CDS2: variants seen among roughly 807,000 people sequenced by gnomAD.
CDS2 encodes the protein CDP-diacylglycerol synthase 2.
In CDS2, 47 loss-of-function variants were observed where a neutral mutation model predicts 59.0. The observed-to-expected ratio is 0.80, with a 90% CI of 0.63 to 1.02. CDS2 has a LOEUF of 1.02. Ranked by LOEUF, CDS2 falls within the 50% of genes least tolerant of loss-of-function variation. The pLI is 0.00. For missense variants in CDS2, 356 were observed against 558.9 expected (o/e 0.64, Z 3.66); for synonymous variants, 207 against 206.4 (o/e 1.00, Z -0.02).
intron 1 of CDS2, among the ~76,000 whole-genome samples, chr20:5,148,869 G>A (rs80217207): frequency 3.3e-5 from 5 of 152,126 alleles, no homozygotes; most frequent in Non-Finnish European, 5.9e-5. Flanking sequence ...CAGAATTCTC[G>A]GTACAGAGAT....
Position 5,190,997 on chromosome 20 carries a change from TC to T in CDS2, c.*765del, listed in dbSNP as rs765693956. On this transcript the variant is annotated 3_prime_UTR_variant, in exon 13 of 13. Transcript: ENST00000460006. ...TCTAGGCTCCAATGTCTCCTGTAGG[TC>T]CACCTAACTGTGTGTTTTCAGGGAC... 9 of 152,640 alleles carry T rather than the reference TC, an allele frequency of 5.9e-5. No homozygotes were observed. Among genetic ancestry groups the T allele is most frequent in the Non-Finnish European group, 1.2e-4 (8 of 68,050 alleles). The allele number at this position is 152,640 out of a possible 1,614,324, so 9.5% of individuals were successfully genotyped here.
rs948941042 is a variant in CDS2, at chr20:5,136,123, C to T, written c.57+8974C>T. Among the ~76,000 whole-genome samples, 10 of 152,194 alleles carry T rather than the reference C, an allele frequency of 6.6e-5. No individual in the cohort carries two copies. In the East Asian group the frequency reaches 1.5e-3, roughly 23 times the overall value. On this transcript the variant is annotated intron_variant, in intron 1 of 12. Coordinates refer to ENST00000460006, the MANE Select transcript of CDS2 (RefSeq NM_003818.4). The stretch of plus-strand genomic sequence containing the variant: ...TGGAGAGGATGTCTGCCATTGACAC[C>T]GAACCCCTGAGTGGGCAACTCTCAG...
chr20:5,190,341 CTTT>C lies in CDS2; in HGVS notation c.*121_*123del, dbSNP rs11477708. 3.4e-3 allele frequency: 2,317 copies of C among 683,406 alleles called. No homozygotes were observed. The highest frequency in any genetic ancestry group is 6.2e-3 in the South Asian group (193 of 30,964). The allele number at this position is 683,406 out of a possible 1,614,324, so 42.3% of individuals were successfully genotyped here. A position where few individuals can be genotyped will look rare whatever the true frequency, so the allele number is the denominator to read the frequency against. Reference sequence around the variant, plus strand: ...CAATGACGAGGCTTCAACTCACTGTCTTTTTTTTTTTTTTTTGGAGGGTATTTT... The same window carrying C: ...CAATGACGAGGCTTCAACTCACTGTCTTTTTTTTTTTTTGGAGGGTATTTT... On this transcript the variant is annotated 3_prime_UTR_variant, in exon 13 of 13. Transcript: ENST00000460006.
At position 5,127,122 on chromosome 20, in the gene CDS2, T is replaced by G. The variant is rs1182374919; in HGVS notation, c.30T>G (p.His10Gln). Reference sequence around the variant, plus strand: ...CAGAGCTGAGGCAGAGGGTGGCCCATGAGCCGGTTGCGCCACCCGAGGACA... The same window carrying G: ...CAGAGCTGAGGCAGAGGGTGGCCCAGGAGCCGGTTGCGCCACCCGAGGACA... MTELRQRVA[H>Q]EPVAPPEDKE... The change falls in exon 1 of 13, where the codon CAT becomes CAG. Residue 10 changes from histidine to glutamine, a missense_variant. Physicochemically the swap from His to Gln is conservative, Grantham distance 24. Coordinates refer to ENST00000460006, the MANE Select transcript of CDS2 (RefSeq NM_003818.4). 1 of 1,496,898 alleles carries G rather than the reference T, an allele frequency of 6.7e-7. No homozygotes were observed. The highest frequency in any genetic ancestry group is 8.9e-7 in the Non-Finnish European group (1 of 1,122,282). The allele number at this position is 1,496,898 out of a possible 1,614,324, so 92.7% of individuals were successfully genotyped here.
Position 5,185,841 on chromosome 20 carries a change from T to C in CDS2, c.828+15T>C. On this transcript the variant is annotated intron_variant, in intron 9 of 12. Coordinates refer to ENST00000460006, the MANE Select transcript of CDS2 (RefSeq NM_003818.4). ...TTGGCCTTCTGGTAGGTGGTGGCTT[T>C]CAGCTGTGTAAGGGATTGGGTGGAC... The C allele has an allele frequency of 6.2e-7, 1 of 1,613,566 alleles. No homozygotes were observed. The highest frequency in any genetic ancestry group is 8.5e-7 in the Non-Finnish European group (1 of 1,179,454).
intron 1 of CDS2, among the ~76,000 whole-genome samples, chr20:5,160,599 G>T (rs2123013644): frequency 6.6e-6 from 1 of 152,226 alleles, no homozygotes; most frequent in Admixed American, 6.5e-5. Context: ...TCAAGTGTAT[G>T]GTTCTATGGC....
At position 5,154,639 on chromosome 20, in the gene CDS2, T is replaced by TTTTG. The variant is rs537557558; in HGVS notation, c.58-18864_58-18861dup. Among the ~76,000 whole-genome samples the TTTTG allele has an allele frequency of 7.4e-3, 1,120 of 152,144 alleles. 6 individuals carry two copies. The highest frequency in any genetic ancestry group is 0.011 in the Non-Finnish European group (734 of 67,994). ...CAGTTGGCACAAAGGACAGATGTCTTTTTGTTTGTTTGTTTGTTTGTTTTA... is the reference window on the plus strand; with the variant it reads ...CAGTTGGCACAAAGGACAGATGTCTTTTTGTTTGTTTGTTTGTTTGTTTGTTTTA... On this transcript the variant is annotated intron_variant, in intron 1 of 12. Transcript: ENST00000460006.
chr20:5,149,934 C>A (rs148788826), intron 1 of CDS2, among the ~76,000 whole-genome samples: 2 of 151,430 alleles, frequency 1.3e-5, no homozygotes, highest in Non-Finnish European at 2.9e-5. Flanking sequence ...AGGCTGTTCT[C>A]GAACTCCTGA....
intron 10 of CDS2, chr20:5,187,879 CAAAA>C (rs147307441): frequency 3.1e-5 from 2 of 63,498 alleles, no homozygotes; most frequent in Admixed American, 1.7e-4. Flanking sequence ...GAGACTGTCT[CAAAA>C]AAAAAAAAAA....
chr20:5,153,749 C>A (rs956239384), intron 1 of CDS2, among the ~76,000 whole-genome samples: 14 of 152,188 alleles, frequency 9.2e-5, no homozygotes, highest in Non-Finnish European at 1.8e-4. Context: ...TTATCACTCT[C>A]CCTTAATGTG....
chr20:5,163,574 A>G (rs983147298), intron 1 of CDS2, among the ~76,000 whole-genome samples: 2 of 152,140 alleles, frequency 1.3e-5, no homozygotes, highest in Non-Finnish European at 2.9e-5. Flanking sequence ...AGTTTCTTAC[A>G]GTTATCATTA....
Position 5,184,797 on chromosome 20 carries a change from T to A in CDS2, c.672-61T>A. ...CTGGAATTTAAGAATGGCACTATTT[T>A]GTGTACTTTTGAGGTACTGTCACCT... On this transcript the variant is annotated intron_variant, in intron 7 of 12. Transcript: ENST00000460006. The surrounding 1 kb of genome is among the most constrained non-coding windows in gnomAD (Gnocchi z 4.3). 1 of 1,207,746 alleles carries A rather than the reference T, an allele frequency of 8.3e-7. No homozygotes were observed. Among genetic ancestry groups the A allele is most frequent in the Admixed American group, 1.7e-5 (1 of 59,036 alleles). The allele number at this position is 1,207,746 out of a possible 1,614,324, so 74.8% of individuals were successfully genotyped here. A position where few individuals can be genotyped will look rare whatever the true frequency, so the allele number is the denominator to read the frequency against.
chr20:5,163,202 G>C (rs1328794352), intron 1 of CDS2, among the ~76,000 whole-genome samples: 1 of 152,182 alleles, frequency 6.6e-6, no homozygotes, highest in Non-Finnish European at 1.5e-5. Flanking sequence ...TTCAAAAAAA[G>C]ATTTGGTGTT....
chr20:5,146,212 G>T (rs918515848), intron 1 of CDS2, among the ~76,000 whole-genome samples: 1 of 152,160 alleles, frequency 6.6e-6, no homozygotes, highest in African/African-American at 2.4e-5. Context: ...TTGTGTATGT[G>T]ATGAAGGATA....
At chr20:5,147,876 A>G (rs1283206879) in intron 1 of CDS2, among the ~76,000 whole-genome samples, 2 of 152,092 alleles carry the variant, frequency 1.3e-5, no homozygotes, top group African/African-American at 2.4e-5. Context: ...AGGAAAAACC[A>G]GTCTTTCAGC....
chr20:5,142,768 G>C (rs1170015645), intron 1 of CDS2, among the ~76,000 whole-genome samples: 5 of 152,176 alleles, frequency 3.3e-5, no homozygotes, highest in African/African-American at 1.2e-4. Context: ...AAATGTATCT[G>C]ATGCAGGGCT....
At chr20:5,161,429 G>T (rs766213209) in intron 1 of CDS2, among the ~76,000 whole-genome samples, 14 of 152,162 alleles carry the variant, frequency 9.2e-5, no homozygotes, top group Non-Finnish European at 2.1e-4. Context: ...GTTCTATACT[G>T]ACAAAACCTG....
At chr20:5,160,708 C>CT (rs2090870327) in intron 1 of CDS2, among the ~76,000 whole-genome samples, 1 of 152,126 alleles carries the variant, frequency 6.6e-6, no homozygotes, top group Admixed American at 6.6e-5. Context: ...TTAAACAACT[C>CT]TCCCCTCTCA....
chr20:5,150,553 A>T (rs56698586), intron 1 of CDS2, among the ~76,000 whole-genome samples: 4,062 of 152,146 alleles, frequency 0.027, 74 homozygotes, highest in East Asian at 0.081. Context: ...CTTACTTTGT[A>T]CCCAGTCTCG....
Sources: allele counts gnomAD v4.1 joint callset (sites outside exome capture counted in the v4.1 genomes callset), GRCh38; gene constraint gnomAD v4.1.1; non-coding constraint Gnocchi (gnomAD v3.1); transcripts MANE v1.5; gene names NCBI Gene and HGNC (gene_info 2026-07-23, HGNC 2026-07-21).